The following BANK1 variants were observed in gnomAD, a reference collection of about 807,000 sequenced individuals.
BANK1 encodes B cell scaffold protein with ankyrin repeats 1, also known as B-cell scaffold protein with ankyrin repeats.
In BANK1, 95 loss-of-function variants were observed where a neutral mutation model predicts 94.5. That is an observed-to-expected ratio of 1.00 (90% confidence interval 0.85 to 1.19). The LOEUF is 1.19. BANK1 is among the 50% of genes most tolerant of loss of function. BANK1 has a pLI of 0.00. For missense variants in BANK1, 987 were observed against 932.2 expected, an observed-to-expected ratio of 1.06 and a Z score of -0.77; for synonymous variants, 334 against 308.4, an observed-to-expected ratio of 1.08 and a Z score of -0.87.
intron 1 of BANK1, among the ~76,000 whole-genome samples, chr4:101,823,982 G>C (rs1726270097): frequency 6.6e-6 from 1 of 152,190 alleles, no homozygotes; most frequent in Non-Finnish European, 1.5e-5. Flanking sequence ...TGAGGAAATG[G>C]AGAAAGATAA....
At chr4:101,876,752 A>C (rs78980234) in intron 5 of BANK1, among the ~76,000 whole-genome samples, 161 of 152,342 alleles carry the variant, frequency 1.1e-3, no homozygotes, top group African/African-American at 3.5e-3. Context: ...GTGACCTTTC[A>C]AAGAACTCAA....
At chr4:101,841,617 TTTATTA>T (rs34130720) in intron 2 of BANK1, among the ~76,000 whole-genome samples, 1,889 of 149,810 alleles carry the variant, frequency 0.013, 13 homozygotes, top group Non-Finnish European at 0.017. Flanking sequence ...GTAATAATCT[TTTATTA>T]TTATTATTAT....
At chr4:101,804,166 A>ACACT (rs199923899) in intron 1 of BANK1, among the ~76,000 whole-genome samples, 41,444 of 151,744 alleles carry the variant, frequency 0.27, 5,847 homozygotes, top group Non-Finnish European at 0.32. Flanking sequence ...AGTCACAAAA[A>ACACT]TACAGACCAT....
At chr4:101,945,947 G>A (rs1050958212) in intron 7 of BANK1, among the ~76,000 whole-genome samples, 2 of 151,798 alleles carry the variant, frequency 1.3e-5, no homozygotes, top group Admixed American at 1.3e-4. Flanking sequence ...TTAGTGAGAG[G>A]GGGCTACGTT....
intron 6 of BANK1, among the ~76,000 whole-genome samples, chr4:101,898,209 T>C (rs1445475933): frequency 6.6e-6 from 1 of 151,988 alleles, no homozygotes. Flanking sequence ...AGCTAGGGTT[T>C]TGCTTGCCTC....
At chr4:101,944,074 CAG>C (rs1030209248) in intron 7 of BANK1, among the ~76,000 whole-genome samples, 4 of 147,650 alleles carry the variant, frequency 2.7e-5, no homozygotes, top group South Asian at 2.1e-4. Context: ...GACAGACAGA[CAG>C]AGAGAGAGAG....
intron 1 of BANK1, among the ~76,000 whole-genome samples, chr4:101,809,607 A>G (rs965891691): frequency 6.6e-6 from 1 of 152,166 alleles, no homozygotes; most frequent in Non-Finnish European, 1.5e-5. Context: ...AATGCTTCGC[A>G]TTCTCAAAGG....
At chr4:101,976,114 G>A (rs1319705792) in intron 7 of BANK1, among the ~76,000 whole-genome samples, 1 of 152,106 alleles carries the variant, frequency 6.6e-6, no homozygotes, top group African/African-American at 2.4e-5. Flanking sequence ...AAACATCTCA[G>A]GTTTCCAGTT....
At chr4:101,869,530 T>C (rs866006674) in intron 4 of BANK1, among the ~76,000 whole-genome samples, 2 of 151,952 alleles carry the variant, frequency 1.3e-5, no homozygotes, top group South Asian at 4.1e-4. Context: ...AAGCTTAAGA[T>C]TGCTTTCGTT....
At position 101,822,123 on chromosome 4, in the gene BANK1, G is replaced by A. The variant is rs1578337031; in HGVS notation, c.71-7685G>A. On this transcript the variant is annotated intron_variant, in intron 1 of 16. Transcript: ENST00000322953. Reference sequence around the variant, plus strand: ...TAATCCTAGCACTTTGGGAGGCCTAGGTGGGTGGATCACTTGAGCCCAGCA... The same window carrying A: ...TAATCCTAGCACTTTGGGAGGCCTAAGTGGGTGGATCACTTGAGCCCAGCA... 2.0e-5 allele frequency among the ~76,000 whole-genome samples: 3 copies of A among 152,238 alleles called. No homozygotes were observed. The South Asian group carries it at 6.2e-4, about 32-fold the overall frequency.
In BANK1 at chr4:101,918,147, G is replaced by C; in HGVS notation, c.1164G>C (p.Arg388Ser). The change falls in exon 7 of 17, where the codon AGG (arginine) becomes AGC (serine). Residue 388 changes from arginine (R) to serine (S), a missense_variant. Coordinates refer to ENST00000322953, the MANE Select transcript of BANK1 (RefSeq NM_017935.5). Reference sequence around the variant, plus strand: ...CAGACCCCGCACATATTGCTGAAAGGCATGGTCACAAAGAACTCAAGAAAA... The same window carrying C: ...CAGACCCCGCACATATTGCTGAAAGCCATGGTCACAAAGAACTCAAGAAAA... ...EGSDPAHIAE[R>S]HGHKELKKIF... 5.6e-6 allele frequency: 9 copies of C among 1,596,462 alleles called. No individual in the cohort carries two copies. The highest frequency in any genetic ancestry group is 7.7e-6 in the Non-Finnish European group (9 of 1,169,854).
At chr4:101,877,418 T>G (rs1186625353) in intron 5 of BANK1, among the ~76,000 whole-genome samples, 2 of 152,180 alleles carry the variant, frequency 1.3e-5, no homozygotes, top group African/African-American at 4.8e-5. Flanking sequence ...TAAACTACTC[T>G]TATTTCAATT....
intron 7 of BANK1, among the ~76,000 whole-genome samples, chr4:101,959,377 A>T: frequency 6.6e-6 from 1 of 152,082 alleles, no homozygotes; most frequent in East Asian, 1.9e-4. Context: ...TGATCTTGTG[A>T]TCTGCCCTCC....
chr4:102,014,103 ACT>A (rs1349613017), intron 7 of BANK1, among the ~76,000 whole-genome samples: 2 of 152,066 alleles, frequency 1.3e-5, no homozygotes, highest in African/African-American at 4.8e-5. Flanking sequence ...CTAATCTCAA[ACT>A]CTTAACCTAT....
At chr4:102,022,773 A>G (rs1247428049) in intron 8 of BANK1, among the ~76,000 whole-genome samples, 2 of 152,014 alleles carry the variant, frequency 1.3e-5, no homozygotes, top group Admixed American at 1.3e-4. Flanking sequence ...ATATCTCCCC[A>G]TTGTACTCAT....
At chr4:101,811,299 C>A (rs1271210832) in intron 1 of BANK1, among the ~76,000 whole-genome samples, 2 of 152,076 alleles carry the variant, frequency 1.3e-5, no homozygotes, top group Non-Finnish European at 2.9e-5. Context: ...ATTTTAATAT[C>A]TTAGAACATG....
At chr4:101,989,375 G>T (rs975006997) in intron 7 of BANK1, among the ~76,000 whole-genome samples, 1 of 142,172 alleles carries the variant, frequency 7.0e-6, no homozygotes, top group Admixed American at 7.4e-5. Flanking sequence ...AGGTTGCAGT[G>T]AGCCGAGATC....
intron 7 of BANK1, among the ~76,000 whole-genome samples, chr4:101,970,446 CCAATTTCTTTCAT>C (rs1724915562): frequency 1.3e-5 from 2 of 152,022 alleles, no homozygotes; most frequent in African/African-American, 4.8e-5. Flanking sequence ...TGAGAAATCC[CCAATTTCTTTCAT>C]CAATTTCTTT....
At chr4:101,939,634 A>G (rs554891230) in intron 7 of BANK1, among the ~76,000 whole-genome samples, 11 of 151,676 alleles carry the variant, frequency 7.3e-5, no homozygotes, top group Non-Finnish European at 1.0e-4. Flanking sequence ...CTCACAAATC[A>G]TTGGCCTAAA....
Sources: allele counts gnomAD v4.1 joint callset (sites outside exome capture counted in the v4.1 genomes callset), GRCh38; gene constraint gnomAD v4.1.1; transcripts MANE v1.5; gene names NCBI Gene and HGNC (gene_info 2026-07-23, HGNC 2026-07-21).